ADGRB3: variants seen among roughly 807,000 people sequenced by gnomAD.
ADGRB3 encodes the protein adhesion G protein-coupled receptor B3, also known as brain-specific angiogenesis inhibitor 3.
ADGRB3 carries 37 observed loss-of-function variants against 193.4 expected under a neutral mutation model. The ratio of observed to expected loss-of-function variants is 0.19; its 90% CI spans 0.15 to 0.25. The LOEUF (loss-of-function observed/expected upper bound fraction) is 0.25, where lower values mean the gene tolerates loss of function less well. Among genes scored for constraint, ADGRB3 ranks in the 10% least tolerant of loss-of-function variants. ADGRB3 has a pLI of 1.00. For synonymous variants in ADGRB3, 690 were observed against 644.2 expected, an observed-to-expected ratio of 1.07 and a Z score of -1.08; for missense variants, 1,637 against 1,852.9, an observed-to-expected ratio of 0.88 and a Z score of 2.14.
At chr6:69,126,916 G>A (rs1405411640) in intron 17 of ADGRB3, among the ~76,000 whole-genome samples, 2 of 152,122 alleles carry the variant, frequency 1.3e-5, no homozygotes, top group Non-Finnish European at 2.9e-5. Context: ...TTTCTCCTCA[G>A]TCCAGACCCT....
At chr6:68,745,612 C>T (rs1766068636) in intron 3 of ADGRB3, among the ~76,000 whole-genome samples, 1 of 151,680 alleles carries the variant, frequency 6.6e-6, no homozygotes, top group South Asian at 2.1e-4. Flanking sequence ...TTCTGTTCTC[C>T]CTTCTGATCT....
chr6:68,815,150 G>A lies in ADGRB3; in HGVS notation c.758-115409G>A, dbSNP rs565438249. On this transcript the variant is annotated intron_variant, in intron 3 of 31. Transcript: ENST00000370598. ...GAGTTCTGGCCAGGGCAATCAGGCA[G>A]GAATGCTTTGTTTCAAGGCAGTTAG... Among the ~76,000 whole-genome samples, 4 of 152,192 alleles carry A rather than the reference G, an allele frequency of 2.6e-5. No individual in the cohort carries two copies. In the East Asian group the frequency reaches 7.7e-4, roughly 29 times the overall value.
At chr6:69,131,787 C>T (rs891665537) in intron 17 of ADGRB3, among the ~76,000 whole-genome samples, 5 of 151,698 alleles carry the variant, frequency 3.3e-5, no homozygotes, top group Admixed American at 2.6e-4. Context: ...GCCCCCCACC[C>T]CCTGACAGGC....
rs555100044 is a variant in ADGRB3 at position 68,965,206 on chromosome 6, A to G, written c.1525+8397A>G. ...ATTAAAACCATTTCCTATATGAGGA[A>G]TGCTGTTATGAAACACACTTCATAA... On this transcript the variant is annotated intron_variant, in intron 8 of 31. Transcript: ENST00000370598. Among the ~76,000 whole-genome samples, 13 of 152,330 alleles carry G rather than the reference A, an allele frequency of 8.5e-5. No homozygotes were observed. In the South Asian group the frequency reaches 2.3e-3, roughly 27 times the overall value.
intron 17 of ADGRB3, among the ~76,000 whole-genome samples, chr6:69,175,218 G>A (rs1228168278): frequency 6.6e-6 from 1 of 151,788 alleles, no homozygotes; most frequent in African/African-American, 2.4e-5. Context: ...ACTCAATATG[G>A]GTTAAACATT....
intron 3 of ADGRB3, among the ~76,000 whole-genome samples, chr6:68,676,183 G>T (rs1158150331): frequency 1.3e-5 from 2 of 152,170 alleles, no homozygotes; most frequent in East Asian, 3.9e-4. Flanking sequence ...ACGAGGTCAG[G>T]AGATGGAGAC....
chr6:69,072,069 G>A (rs368859734), intron 16 of ADGRB3, among the ~76,000 whole-genome samples: 16 of 151,746 alleles, frequency 1.1e-4, no homozygotes, highest in South Asian at 4.2e-4. Context: ...TTTGTTTTCC[G>A]TGTCACATTC....
chr6:68,834,352 C>T (rs765616296), intron 3 of ADGRB3, among the ~76,000 whole-genome samples: 3 of 151,970 alleles, frequency 2.0e-5, no homozygotes, highest in Non-Finnish European at 4.4e-5. Flanking sequence ...GTTACTTAAA[C>T]TTTATGGTCT....
intron 3 of ADGRB3, among the ~76,000 whole-genome samples, chr6:68,696,726 A>G (rs906510853): frequency 2.0e-5 from 3 of 152,076 alleles, no homozygotes; most frequent in Non-Finnish European, 4.4e-5. Context: ...TATTTTAACA[A>G]TCATAAAGTG....
At chr6:69,345,593 T>C (rs1020606023) in intron 26 of ADGRB3, among the ~76,000 whole-genome samples, 1 of 152,152 alleles carries the variant, frequency 6.6e-6, no homozygotes, top group Non-Finnish European at 1.5e-5. Context: ...TAGGTACTGA[T>C]GGAACGTAGC....
intron 12 of ADGRB3, among the ~76,000 whole-genome samples, chr6:69,016,016 C>T (rs968456793): frequency 4.6e-5 from 7 of 151,872 alleles, no homozygotes; most frequent in Non-Finnish European, 1.5e-5. Flanking sequence ...CAAACTGCAG[C>T]CAGTGAGCCA....
At chr6:69,385,458 C>T (rs951212039) in intron 31 of ADGRB3, among the ~76,000 whole-genome samples, 4 of 152,030 alleles carry the variant, frequency 2.6e-5, no homozygotes, top group Admixed American at 2.6e-4. Context: ...TCAGGCAGCC[C>T]TGCCATATTT....
intron 17 of ADGRB3, among the ~76,000 whole-genome samples, chr6:69,157,159 A>G (rs910251401): frequency 4.6e-5 from 7 of 152,232 alleles, no homozygotes; most frequent in African/African-American, 1.7e-4. Context: ...TAGAGATGAT[A>G]ATATCTACTT....
At chr6:69,121,013 T>G (rs1231955987) in intron 17 of ADGRB3, among the ~76,000 whole-genome samples, 1 of 151,196 alleles carries the variant, frequency 6.6e-6, no homozygotes, top group East Asian at 1.9e-4. Flanking sequence ...TTTTTTTTTT[T>G]TTTTTAGTAT....
intron 3 of ADGRB3, among the ~76,000 whole-genome samples, chr6:68,727,540 T>A (rs1765695560): frequency 6.6e-6 from 1 of 151,522 alleles, no homozygotes; most frequent in African/African-American, 2.4e-5. Flanking sequence ...CTAAAAGATG[T>A]ATACCAAGAA....
chr6:69,217,871 T>C (rs1765799552), intron 17 of ADGRB3, among the ~76,000 whole-genome samples: 1 of 151,840 alleles, frequency 6.6e-6, no homozygotes, highest in African/African-American at 2.4e-5. Context: ...CTATAGCATT[T>C]TTCCCCAGCT....
chr6:68,939,267 A>G (rs1414877854), intron 5 of ADGRB3, among the ~76,000 whole-genome samples: 1 of 152,152 alleles, frequency 6.6e-6, no homozygotes, highest in Non-Finnish European at 1.5e-5. Flanking sequence ...TTGAATTTGA[A>G]AAATCAGATC....
chr6:68,974,185 A>G (rs537877107), intron 8 of ADGRB3, among the ~76,000 whole-genome samples: 13 of 152,228 alleles, frequency 8.5e-5, no homozygotes, highest in South Asian at 2.1e-4. Context: ...TTTTATTGAT[A>G]TGCCTGAATA....
chr6:68,768,245 C>T (rs1357051873), intron 3 of ADGRB3, among the ~76,000 whole-genome samples: 3 of 152,038 alleles, frequency 2.0e-5, no homozygotes, highest in African/African-American at 4.8e-5. Context: ...CAATCCTAGA[C>T]AAAAAGAACA....
Sources: gnomAD v4.1 joint callset for allele counts (sites outside exome capture counted in the v4.1 genomes callset) on GRCh38, gnomAD v4.1.1 for gene constraint, MANE v1.5 for transcripts, NCBI Gene and HGNC (gene_info 2026-07-23, HGNC 2026-07-21) for gene names.